POFUT3: variants seen among roughly 807,000 people sequenced by gnomAD.
The protein encoded by POFUT3 is GDP-fucose protein O-fucosyltransferase 3.
chr8:33,453,419 T>G, the POFUT3 span: 1 of 1,613,986 alleles, frequency 6.2e-7, no homozygotes, highest in South Asian at 1.1e-5. Context: ...TGAATTAAGA[T>G]GCGTAGGTGC....
chr8:33,472,129 G>A, the POFUT3 span, among the ~76,000 whole-genome samples: 1 of 152,156 alleles, frequency 6.6e-6, no homozygotes, highest in Non-Finnish European at 1.5e-5. Context: ...TGGAAAGAAA[G>A]GTGTACGAAG....
the POFUT3 span, among the ~76,000 whole-genome samples, chr8:33,333,372 T>C: frequency 3.3e-5 from 5 of 152,152 alleles, no homozygotes; most frequent in East Asian, 7.7e-4. Context: ...GTAGGACCTT[T>C]GGATGAAAAG....
chr8:33,396,820 T>C, the POFUT3 span, among the ~76,000 whole-genome samples: 1 of 152,228 alleles, frequency 6.6e-6, no homozygotes, highest in Non-Finnish European at 1.5e-5. Flanking sequence ...GTTGTTTGAC[T>C]ACATTCTAAT....
At chr8:33,354,251 A>T in the POFUT3 span, among the ~76,000 whole-genome samples, 1 of 152,292 alleles carries the variant, frequency 6.6e-6, no homozygotes, top group African/African-American at 2.4e-5. Context: ...AAGATTTATT[A>T]TGGGAATTGG....
At chr8:33,430,011 A>T in the POFUT3 span, among the ~76,000 whole-genome samples, 2 of 149,598 alleles carry the variant, frequency 1.3e-5, no homozygotes, top group Non-Finnish European at 3.0e-5. Context: ...AAAAAAAAAA[A>T]AGAAAGACTC....
the POFUT3 span, among the ~76,000 whole-genome samples, chr8:33,417,901 AC>A: frequency 3.7e-4 from 57 of 152,114 alleles, 2 homozygotes; most frequent in African/African-American, 1.3e-3. Context: ...TGCGGAGAGA[AC>A]CCCAGGGGTC....
chr8:33,312,832 C>T, the POFUT3 span, among the ~76,000 whole-genome samples: 1 of 152,122 alleles, frequency 6.6e-6, no homozygotes, highest in African/African-American at 2.4e-5. Flanking sequence ...CCATCTAAGT[C>T]AACCTCCTCC....
chr8:33,447,594 C>T, the POFUT3 span, among the ~76,000 whole-genome samples: 3 of 152,094 alleles, frequency 2.0e-5, no homozygotes, highest in South Asian at 2.1e-4. Context: ...ACACAGTATT[C>T]GCATATTTCA....
At chr8:33,413,586 C>T in the POFUT3 span, among the ~76,000 whole-genome samples, 8 of 152,232 alleles carry the variant, frequency 5.3e-5, no homozygotes, top group South Asian at 6.2e-4. Flanking sequence ...AAGACACACT[C>T]ATATCTTGGA....
the POFUT3 span, among the ~76,000 whole-genome samples, chr8:33,385,930 G>A: frequency 6.6e-6 from 1 of 152,042 alleles, no homozygotes; most frequent in African/African-American, 2.4e-5. Flanking sequence ...GCTGATGCCT[G>A]TAATCCCAGA....
chr8:33,353,394 A>G, the POFUT3 span, among the ~76,000 whole-genome samples: 1 of 152,198 alleles, frequency 6.6e-6, no homozygotes, highest in Non-Finnish European at 1.5e-5. Context: ...ATTCTGATCA[A>G]GTTGACACAG....
At chr8:33,388,400 G>A in the POFUT3 span, among the ~76,000 whole-genome samples, 16 of 133,340 alleles carry the variant, frequency 1.2e-4, no homozygotes, top group Admixed American at 1.2e-3. Context: ...ATTGTGGCAT[G>A]ATCTCGGCTC....
chr8:33,358,410 C>T, the POFUT3 span, among the ~76,000 whole-genome samples: 4 of 152,022 alleles, frequency 2.6e-5, no homozygotes, highest in Non-Finnish European at 4.4e-5. Flanking sequence ...GTAAAAAATA[C>T]GTGCAATTCT....
the POFUT3 span, among the ~76,000 whole-genome samples, chr8:33,466,615 A>G: frequency 6.6e-6 from 1 of 152,156 alleles, no homozygotes; most frequent in Non-Finnish European, 1.5e-5. Context: ...GGGTACATTT[A>G]TAACAGTAAC....
the POFUT3 span, among the ~76,000 whole-genome samples, chr8:33,320,841 A>T: frequency 6.6e-6 from 1 of 152,102 alleles, no homozygotes; most frequent in African/African-American, 2.4e-5. Context: ...GACAAAAGCT[A>T]CAAGGCTTCT....
the POFUT3 span, among the ~76,000 whole-genome samples, chr8:33,385,682 G>A: frequency 1.3e-5 from 2 of 152,106 alleles, no homozygotes; most frequent in Non-Finnish European, 2.9e-5. Context: ...AGGAGTTCGA[G>A]ATCAGCCTGG....
the POFUT3 span, among the ~76,000 whole-genome samples, chr8:33,318,368 C>T: frequency 1.3e-5 from 2 of 148,974 alleles, no homozygotes; most frequent in South Asian, 2.1e-4. Flanking sequence ...AGCACATTCC[C>T]TTGCACAAAA....
the POFUT3 span, chr8:33,453,523 A>C: frequency 6.3e-7 from 1 of 1,576,906 alleles, no homozygotes; most frequent in Non-Finnish European, 8.6e-7. Context: ...AAAAGAGAAG[A>C]CAATTATTAT....
At chr8:33,401,982 C>T in the POFUT3 span, among the ~76,000 whole-genome samples, 3 of 151,852 alleles carry the variant, frequency 2.0e-5, no homozygotes, top group Admixed American at 6.6e-5. Flanking sequence ...GCCGAGATCA[C>T]GCCACCGCAC....
Sources: allele counts gnomAD v4.1 joint callset (sites outside exome capture counted in the v4.1 genomes callset), GRCh38; gene constraint gnomAD v4.1.1; transcripts MANE v1.5; gene names NCBI Gene and HGNC (gene_info 2026-07-23, HGNC 2026-07-21).